The following POLR2B variants were observed in gnomAD, a reference collection of about 807,000 sequenced individuals.
POLR2B encodes the protein RNA polymerase II subunit B, also known as DNA-directed RNA polymerase II subunit RPB2.
A neutral mutation model predicts 144.6 loss-of-function variants in POLR2B; 57 were observed. The ratio of observed to expected loss-of-function variants is 0.39; its 90% CI spans 0.32 to 0.49. The LOEUF is 0.49. Among genes scored for constraint, POLR2B ranks in the 20% least tolerant of loss-of-function variants. The pLI, the probability that POLR2B is intolerant of heterozygous loss-of-function variation, is 0.83. For missense variants in POLR2B, 595 were observed against 1,467.4 expected (o/e 0.41, Z 9.71); for synonymous variants, 442 against 469.8 (o/e 0.94, Z 0.77).
chr4:56,998,626 G>A (rs538676874), intron 6 of POLR2B, among the ~76,000 whole-genome samples: 2 of 152,322 alleles, frequency 1.3e-5, no homozygotes, highest in East Asian at 1.9e-4. Flanking sequence ...CCAAAGTGCC[G>A]GGATTACAGG....
In POLR2B at chr4:57,017,459, CAGG is replaced by C; in HGVS notation, c.2155-98_2155-96del. 3 of 1,038,162 alleles carry C rather than the reference CAGG, an allele frequency of 2.9e-6. No individual in the cohort carries two copies. Among genetic ancestry groups the C allele is most frequent in the Non-Finnish European group, 4.2e-6 (3 of 718,130 alleles). The allele number at this position is 1,038,162 out of a possible 1,614,324, so 64.3% of individuals were successfully genotyped here. ...ATTACTTACTGTTTTTGAAAAAAATCAGGAGTTTTACCAATCATATTTCTTTTG... is the reference window on the plus strand; with the variant it reads ...ATTACTTACTGTTTTTGAAAAAAATCAGTTTTACCAATCATATTTCTTTTG... On this transcript the variant is annotated intron_variant, in intron 15 of 24. Transcript: ENST00000314595. The surrounding 1 kb of genome is among the most constrained non-coding windows in gnomAD (Gnocchi z 4.8).
rs544020205 is a variant in POLR2B at position 57,021,369 on chromosome 4, A to G, written c.2420+374A>G. Among the ~76,000 whole-genome samples the G allele has an allele frequency of 5.3e-5, 8 of 152,278 alleles. No homozygotes were observed. In the East Asian group the frequency reaches 1.5e-3, roughly 29 times the overall value. ...AACAGACCTCAAATTCAAGGCATAT[A>G]AAGATTGTTTTAAAAACTGGGAATT... On this transcript the variant is annotated intron_variant, in intron 17 of 24. Transcript: ENST00000314595.
chr4:57,020,120 G>T (rs1723494129), intron 16 of POLR2B, among the ~76,000 whole-genome samples: 1 of 152,158 alleles, frequency 6.6e-6, no homozygotes, highest in African/African-American at 2.4e-5. Context: ...TGCAACCTCT[G>T]CCTCCTGGGT....
chr4:57,006,752 C>T, intron 9 of POLR2B, 64 bp from the exon 10 acceptor site: 2 of 1,305,060 alleles, frequency 1.5e-6, no homozygotes, highest in East Asian at 2.3e-5. Context: ...TGCAATATTC[C>T]TCCTGTTGAG....
chr4:57,027,232 T>C (rs1723753736), intron 23 of POLR2B, among the ~76,000 whole-genome samples: 1 of 151,952 alleles, frequency 6.6e-6, no homozygotes, highest in African/African-American at 2.4e-5. Context: ...TGGTCTCAAA[T>C]GGTTGGCCTC....
At chr4:57,030,060 C>T in intron 23 of POLR2B, 144 bp from the exon 24 acceptor site, 1 of 700,018 alleles carries the variant, frequency 1.4e-6, no homozygotes, top group Non-Finnish European at 2.4e-6. Flanking sequence ...TCTCCTCTCC[C>T]CACCAATAGA....
At chr4:57,030,805 A>G (rs1010626743) in intron 24 of POLR2B, 94 bp from the exon 25 acceptor site, 4 of 731,108 alleles carry the variant, frequency 5.5e-6, no homozygotes, top group East Asian at 5.0e-5. Context: ...TTTATTCATT[A>G]TCTACAGTAC....
At chr4:56,980,688 G>A (rs929367437) in intron 1 of POLR2B, among the ~76,000 whole-genome samples, 3 of 152,020 alleles carry the variant, frequency 2.0e-5, no homozygotes, top group African/African-American at 4.8e-5. Flanking sequence ...GTGAGACCTT[G>A]TCTCAAAAAA....
intron 2 of POLR2B, among the ~76,000 whole-genome samples, chr4:56,989,842 T>G (rs1040841794): frequency 6.6e-6 from 1 of 152,212 alleles, no homozygotes; most frequent in Non-Finnish European, 1.5e-5. Context: ...GTTGAGATCC[T>G]CTTGCACGTG....
chr4:56,996,265 T>TAC (rs1560474577), intron 6 of POLR2B, among the ~76,000 whole-genome samples: 17 of 85,470 alleles, frequency 2.0e-4, no homozygotes, highest in African/African-American at 6.8e-4. Flanking sequence ...TGTGTGTGTA[T>TAC]ATATATATAT....
chr4:57,013,322 A>AAG (rs1723255890), intron 13 of POLR2B, among the ~76,000 whole-genome samples: 1 of 151,984 alleles, frequency 6.6e-6, no homozygotes, highest in South Asian at 2.1e-4. Context: ...TGAAGTCAGG[A>AAG]AGAGAGTGAT....
rs369427976 is a variant in POLR2B at position 57,011,109 on chromosome 4, C to T, written c.1800+9C>T. On this transcript the variant is annotated intron_variant, in intron 13 of 24. Coordinates refer to ENST00000314595, the MANE Select transcript of POLR2B (RefSeq NM_000938.3). ...ACATCATTGTGTCTGAAGTAAGAAT[C>T]TTTAGTTAAGAGGGTGTGGACTGTG... 4.5e-6 allele frequency: 7 copies of T among 1,550,546 alleles called. No individual in the cohort carries two copies. The highest frequency in any genetic ancestry group is 6.2e-6 in the Non-Finnish European group (7 of 1,122,042).
At chr4:57,030,807 C>T (rs777638353) in intron 24 of POLR2B, 92 bp from the exon 25 acceptor site, 35 of 744,170 alleles carry the variant, frequency 4.7e-5, no homozygotes, top group Non-Finnish European at 7.8e-5. Context: ...TATTCATTAT[C>T]TACAGTACCA....
At chr4:57,011,505 GT>G in intron 13 of POLR2B, among the ~76,000 whole-genome samples, 1 of 149,586 alleles carries the variant, frequency 6.7e-6, no homozygotes, top group East Asian at 2.0e-4. Context: ...TCCAGCCTGG[GT>G]GACAGAGTGG....
chr4:57,029,551 C>CT (rs1723841207), intron 23 of POLR2B, among the ~76,000 whole-genome samples: 1 of 152,128 alleles, frequency 6.6e-6, no homozygotes, highest in Non-Finnish European at 1.5e-5. Flanking sequence ...GAAGCCATCA[C>CT]CATCTATTTG....
chr4:57,014,726 G>C (rs896148189), intron 13 of POLR2B, among the ~76,000 whole-genome samples: 1 of 143,532 alleles, frequency 7.0e-6, no homozygotes, highest in Non-Finnish European at 1.5e-5. Context: ...GGATGGTCTC[G>C]ATCTCCTGAC....
intron 1 of POLR2B, 111 bp downstream of exon 1, chr4:56,979,115 C>T: frequency 4.4e-6 from 5 of 1,133,520 alleles, no homozygotes; most frequent in Non-Finnish European, 5.4e-6. Flanking sequence ...TGCACAGTCC[C>T]CAGCCTTGTT....
intron 1 of POLR2B, 144 bp downstream of exon 1, chr4:56,979,148 CGAAA>C: frequency 1.2e-6 from 1 of 864,886 alleles, no homozygotes; most frequent in Non-Finnish European, 2.0e-6. Flanking sequence ...AGGCCGGGAA[CGAAA>C]CTGGGGTAGG....
Position 57,023,088 on chromosome 4 carries a change from C to T in POLR2B, c.2516-242C>T, listed in dbSNP as rs1195750459. 10 of 446,532 alleles carry T rather than the reference C, an allele frequency of 2.2e-5. No individual in the cohort carries two copies. In the Admixed American group the frequency reaches 3.2e-4, roughly 14 times the overall value. 27.7% of individuals were successfully genotyped at this position (446,532 alleles called of 1,614,324 possible). A position where few individuals can be genotyped will look rare whatever the true frequency, so the allele number is the denominator to read the frequency against. ...CCAAAGTCACTCGATAAATGTCTGT[C>T]ATGGAAGAATCTGCTTTCCCAGTGC... is the stretch of plus-strand genomic sequence containing the variant. On this transcript the variant is annotated intron_variant, in intron 18 of 24. Transcript: ENST00000314595. The surrounding 1 kb of genome is among the most constrained non-coding windows in gnomAD (Gnocchi z 4.3).
Sources: allele counts gnomAD v4.1 joint callset (sites outside exome capture counted in the v4.1 genomes callset), GRCh38; gene constraint gnomAD v4.1.1; non-coding constraint Gnocchi (gnomAD v3.1); transcripts MANE v1.5; gene names NCBI Gene and HGNC (gene_info 2026-07-23, HGNC 2026-07-21).